The following GRIK2 variants were observed in gnomAD, a reference collection of about 807,000 sequenced individuals.
GRIK2 encodes glutamate ionotropic receptor kainate type subunit 2.
In GRIK2, 32 loss-of-function variants were observed where a neutral mutation model predicts 100.3. That is an observed-to-expected ratio of 0.32 (90% CI 0.24 to 0.43). GRIK2 has a LOEUF of 0.43. Ranked by LOEUF, GRIK2 falls within the 20% of genes least tolerant of loss-of-function variation. GRIK2 has a pLI of 1.00. For synonymous variants in GRIK2, 417 were observed against 389.4 expected (o/e 1.07, Z -0.83); for missense variants, 843 against 1,114.9 (o/e 0.76, Z 3.47).
chr6:101,875,090 T>C (rs1320047176), intron 11 of GRIK2, among the ~76,000 whole-genome samples: 3 of 152,024 alleles, frequency 2.0e-5, no homozygotes, highest in African/African-American at 7.2e-5. Flanking sequence ...CCTTTATTTC[T>C]TTCTCCTGCC....
At chr6:101,660,736 G>A (rs551375786) in intron 4 of GRIK2, among the ~76,000 whole-genome samples, 1 of 152,236 alleles carries the variant, frequency 6.6e-6, no homozygotes, top group South Asian at 2.1e-4. Context: ...AGGCCCCTCT[G>A]CTGCAGGTCT....
intron 14 of GRIK2, among the ~76,000 whole-genome samples, chr6:101,959,619 T>C (rs1314953116): frequency 1.3e-5 from 2 of 152,142 alleles, no homozygotes; most frequent in Non-Finnish European, 2.9e-5. Flanking sequence ...TTTTCTTCTC[T>C]GAGCTTTGGG....
chr6:101,670,425 T>C (rs548352128), intron 4 of GRIK2, among the ~76,000 whole-genome samples: 1 of 152,212 alleles, frequency 6.6e-6, no homozygotes, highest in South Asian at 2.1e-4. Flanking sequence ...CAGAGATGTA[T>C]GAGTGTGAAG....
chr6:101,733,708 C>CTTTTTTTTTTTTTTTTTTTTTT lies in GRIK2; in HGVS notation c.951+47358_951+47379dup, dbSNP rs34438783. Among the ~76,000 whole-genome samples, 7 of 83,940 alleles carry CTTTTTTTTTTTTTTTTTTTTTT rather than the reference C, an allele frequency of 8.3e-5. 1 individual carries two copies. Among genetic ancestry groups the CTTTTTTTTTTTTTTTTTTTTTT allele is most frequent in the Admixed American group, 1.5e-4 (1 of 6,656 alleles). The allele number at this position is 83,940 out of a possible 152,430, so 55.1% of individuals were successfully genotyped here. ...CAAATTCCTGATTTAATTCCTCTTT[C>CTTTTTTTTTTTTTTTTTTTTTT]TTTTTTTTTTTTTTTTTTTTTTTTG... On this transcript the variant is annotated intron_variant, in intron 7 of 16. Coordinates refer to ENST00000369134, the MANE Select transcript of GRIK2 (RefSeq NM_021956.5).
intron 2 of GRIK2, among the ~76,000 whole-genome samples, chr6:101,547,473 C>T (rs528968454): frequency 1.1e-4 from 16 of 152,318 alleles, no homozygotes; most frequent in African/African-American, 3.8e-4. Context: ...TCCCCACTCC[C>T]CCTACCCCAC....
At chr6:101,886,253 C>G (rs1786605707) in intron 11 of GRIK2, among the ~76,000 whole-genome samples, 1 of 152,212 alleles carries the variant, frequency 6.6e-6, no homozygotes, top group Non-Finnish European at 1.5e-5. Context: ...TTCCCCCATG[C>G]TTTTTCATGG....
intron 10 of GRIK2, among the ~76,000 whole-genome samples, chr6:101,845,290 G>A (rs1402191182): frequency 6.6e-6 from 1 of 152,134 alleles, no homozygotes; most frequent in Non-Finnish European, 1.5e-5. Context: ...GATTACAGGT[G>A]TTAGCTACTG....
intron 7 of GRIK2, among the ~76,000 whole-genome samples, chr6:101,711,206 T>C (rs1246547195): frequency 2.0e-5 from 3 of 151,878 alleles, no homozygotes; most frequent in African/African-American, 7.2e-5. Flanking sequence ...AAACTCTGAA[T>C]GTTTATGACT....
chr6:101,464,497 CTTTTTTTTTTTTTTTTT>C (rs71028069), intron 2 of GRIK2, among the ~76,000 whole-genome samples: 27 of 62,038 alleles, frequency 4.4e-4, no homozygotes, highest in African/African-American at 1.4e-3. Flanking sequence ...CTTTTTCTTT[CTTTTTTTTTTTTTTTTT>C]TTTTTTTTTT....
At chr6:101,707,617 T>TATATATATATATATATATATATAG (rs1773426606) in intron 7 of GRIK2, among the ~76,000 whole-genome samples, 1 of 144,768 alleles carries the variant, frequency 6.9e-6, no homozygotes, top group African/African-American at 2.6e-5. Context: ...TATATATATA[T>TATATATATATATATATATATATAG]ATATATATAT....
chr6:101,482,496 C>T (rs540228875), intron 2 of GRIK2, among the ~76,000 whole-genome samples: 5 of 151,968 alleles, frequency 3.3e-5, no homozygotes, highest in East Asian at 1.9e-4. Context: ...AGACAAAAAG[C>T]GACAAGCATT....
At chr6:101,631,339 G>C (rs912502536) in intron 4 of GRIK2, among the ~76,000 whole-genome samples, 5 of 152,070 alleles carry the variant, frequency 3.3e-5, no homozygotes, top group Admixed American at 3.3e-4. Context: ...TTTGTTTATA[G>C]ATCAGCAGTC....
intron 15 of GRIK2, among the ~76,000 whole-genome samples, chr6:102,037,979 A>T (rs1312140549): frequency 6.6e-6 from 1 of 151,508 alleles, no homozygotes; most frequent in Non-Finnish European, 1.5e-5. Context: ...TGCTATGAAT[A>T]TCATCATGCA....
At chr6:101,857,498 A>G (rs911336825) in intron 10 of GRIK2, among the ~76,000 whole-genome samples, 2 of 152,158 alleles carry the variant, frequency 1.3e-5, no homozygotes, top group African/African-American at 4.8e-5. Flanking sequence ...AAGCTGACAC[A>G]TGGCTGTCAT....
chr6:101,690,796 A>G (rs184523588), intron 7 of GRIK2, among the ~76,000 whole-genome samples: 21 of 152,072 alleles, frequency 1.4e-4, no homozygotes, highest in Middle Eastern at 3.4e-3. Context: ...CATTATTTAA[A>G]CCACTTACCT....
At chr6:101,546,777 T>G (rs570385332) in intron 2 of GRIK2, among the ~76,000 whole-genome samples, 1 of 151,750 alleles carries the variant, frequency 6.6e-6, no homozygotes, top group Non-Finnish European at 1.5e-5. Context: ...GAGCCAGTTT[T>G]ATACACTGGC....
chr6:102,055,123 T>G (rs1771401117), intron 15 of GRIK2, among the ~76,000 whole-genome samples: 1 of 152,122 alleles, frequency 6.6e-6, no homozygotes, highest in Non-Finnish European at 1.5e-5. Context: ...CAAAATTCAT[T>G]TAATTCCTCA....
intron 2 of GRIK2, among the ~76,000 whole-genome samples, chr6:101,518,355 C>T (rs983202964): frequency 6.6e-6 from 1 of 152,080 alleles, no homozygotes; most frequent in Non-Finnish European, 1.5e-5. Flanking sequence ...CTCTGAACTT[C>T]TTGCATATAT....
chr6:101,454,692 T>A (rs1359316632), intron 2 of GRIK2, among the ~76,000 whole-genome samples: 1 of 152,086 alleles, frequency 6.6e-6, no homozygotes, highest in East Asian at 1.9e-4. Context: ...TATGTTGTAG[T>A]GTTTGAGAAA....
Sources: allele counts gnomAD v4.1 joint callset (sites outside exome capture counted in the v4.1 genomes callset), GRCh38; gene constraint gnomAD v4.1.1; transcripts MANE v1.5; gene names NCBI Gene and HGNC (gene_info 2026-07-23, HGNC 2026-07-21).